The following HK1 variants were observed in gnomAD, a reference collection of about 807,000 sequenced individuals.
HK1 encodes the protein hexokinase 1.
A neutral mutation model predicts 91.6 loss-of-function variants in HK1; 28 were observed. That is an observed-to-expected ratio of 0.31 (90% confidence interval 0.23 to 0.42). The LOEUF (loss-of-function observed/expected upper bound fraction) is 0.42. Ranked by LOEUF, HK1 falls within the 10% of genes least tolerant of loss-of-function variation. The probability of loss-of-function intolerance (pLI) is 1.00; values close to 1 mark genes in which losing one functional copy is unlikely to be tolerated. For missense variants in HK1, 770 were observed against 1,219.8 expected (o/e 0.63, Z 5.49); for synonymous variants, 430 against 468.1 (o/e 0.92, Z 1.05).
chr10:69,393,013 C>G (rs1228937257), intron 15 of HK1, among the ~76,000 whole-genome samples: 1 of 152,170 alleles, frequency 6.6e-6, no homozygotes, highest in Non-Finnish European at 1.5e-5. Context: ...TGGAGTTTTG[C>G]TCTTGTTGCC....
chr10:69,294,255 G>A (rs1845443099), intron 3 of HK1, among the ~76,000 whole-genome samples: 1 of 152,208 alleles, frequency 6.6e-6, no homozygotes, highest in Admixed American at 6.5e-5. Flanking sequence ...GTTGCTGTGA[G>A]TGGAGACTAT....
intron 5 of HK1, among the ~76,000 whole-genome samples, chr10:69,307,326 C>T (rs1846153058): frequency 6.6e-6 from 1 of 152,126 alleles, no homozygotes; most frequent in Admixed American, 6.6e-5. Flanking sequence ...CTTATAGCCC[C>T]TCTGGCCTTG....
At chr10:69,373,173 A>AGTT (rs1850107178) in intron 7 of HK1, among the ~76,000 whole-genome samples, 2 of 152,190 alleles carry the variant, frequency 1.3e-5, no homozygotes, top group Non-Finnish European at 2.9e-5. Context: ...CCAGCCATTA[A>AGTT]CCAGGTTTTA....
chr10:69,315,748 G>C (rs1483823036), upstream of HK1: 5 of 635,610 alleles, frequency 7.9e-6, no homozygotes, highest in Non-Finnish European at 1.4e-5. Context: ...ACCCATATCA[G>C]TTAGGCAGTC....
At chr10:69,326,175 G>C (rs968823656) in intron 1 of HK1, among the ~76,000 whole-genome samples, 3 of 151,344 alleles carry the variant, frequency 2.0e-5, no homozygotes, top group African/African-American at 7.3e-5. Context: ...TGGGCATCCT[G>C]GAACACTTCG....
intron 1 of HK1, among the ~76,000 whole-genome samples, chr10:69,323,520 C>A (rs1196336476): frequency 0.025 from 2,376 of 94,172 alleles, no homozygotes; most frequent in East Asian, 0.041. Context: ...GACTCTGTCT[C>A]AAAAAAAAAA....
chr10:69,352,144 C>CACT (rs1303149805), intron 2 of HK1, among the ~76,000 whole-genome samples: 2 of 152,022 alleles, frequency 1.3e-5, no homozygotes, highest in African/African-American at 4.8e-5. Context: ...AGGCACCTAC[C>CACT]ACTACACCCA....
At chr10:69,375,343 C>T (rs1188231382) in intron 7 of HK1, among the ~76,000 whole-genome samples, 1 of 152,130 alleles carries the variant, frequency 6.6e-6, no homozygotes, top group Non-Finnish European at 1.5e-5. Context: ...GTAGGGAGGC[C>T]AGGGTGAGTA....
chr10:69,339,279 T>A (rs371399324), intron 1 of HK1, among the ~76,000 whole-genome samples: 66 of 152,344 alleles, frequency 4.3e-4, no homozygotes, highest in African/African-American at 1.5e-3. Flanking sequence ...GGGAGCTGAC[T>A]TCTCCCCTGG....
chr10:69,325,617 G>A (rs576339847), intron 1 of HK1, among the ~76,000 whole-genome samples: 5 of 149,766 alleles, frequency 3.3e-5, no homozygotes, highest in South Asian at 2.1e-4. Flanking sequence ...CCTCCATCTC[G>A]CGGGTTCAAG....
At chr10:69,277,536 C>T (rs1001275967) in intron 1 of HK1, among the ~76,000 whole-genome samples, 2 of 151,976 alleles carry the variant, frequency 1.3e-5, no homozygotes, top group Non-Finnish European at 2.9e-5. Context: ...CCACTGCACT[C>T]CAGCCCGGGC....
At chr10:69,330,848 G>A (rs1286065329) in intron 1 of HK1, among the ~76,000 whole-genome samples, 1 of 151,406 alleles carries the variant, frequency 6.6e-6, no homozygotes, top group African/African-American at 2.4e-5. Flanking sequence ...CCTGACATAG[G>A]GAAATATGCA....
At chr10:69,341,818 A>G (rs1848304349) in intron 1 of HK1, among the ~76,000 whole-genome samples, 1 of 151,770 alleles carries the variant, frequency 6.6e-6, no homozygotes, top group Non-Finnish European at 1.5e-5. Context: ...GAGCTGCTTT[A>G]TTGTAAAGGG....
chr10:69,318,831 G>C, upstream of HK1: 2 of 1,451,096 alleles, frequency 1.4e-6, no homozygotes, highest in African/African-American at 3.0e-5. Flanking sequence ...AGGGGGAGGA[G>C]CCGGGGGAGG....
At chr10:69,388,251 G>A (rs564213282) in intron 13 of HK1, among the ~76,000 whole-genome samples, 14 of 152,244 alleles carry the variant, frequency 9.2e-5, no homozygotes, top group African/African-American at 3.4e-4. Context: ...ACCAGCCTGG[G>A]TAACGTAGTA....
intron 13 of HK1, chr10:69,386,688 A>G (rs1022263210): frequency 1.6e-4 from 58 of 362,298 alleles, no homozygotes; most frequent in Middle Eastern, 9.7e-4. Context: ...AGACTGAGGC[A>G]GAAGAATCGC....
chr10:69,383,707 T>C (rs1461737048), intron 10 of HK1, among the ~76,000 whole-genome samples: 1 of 152,264 alleles, frequency 6.6e-6, no homozygotes, highest in African/African-American at 2.4e-5. Flanking sequence ...TGTCCAGCAG[T>C]TGGCTGTCAG....
intron 3 of HK1, chr10:69,292,303 C>T (rs948041862): frequency 1.6e-5 from 7 of 430,922 alleles, no homozygotes; most frequent in Non-Finnish European, 2.3e-5. Flanking sequence ...AAATCCCTGG[C>T]GTCAAGTGAT....
chr10:69,390,515 G>A (rs1839849532), intron 14 of HK1, among the ~76,000 whole-genome samples: 1 of 152,226 alleles, frequency 6.6e-6, no homozygotes, highest in African/African-American at 2.4e-5. Context: ...CGTTTCTGGA[G>A]CTCCTCTTCT....
Sources: gnomAD v4.1 joint callset for allele counts (sites outside exome capture counted in the v4.1 genomes callset) on GRCh38, gnomAD v4.1.1 for gene constraint, MANE v1.5 for transcripts, NCBI Gene and HGNC (gene_info 2026-07-23, HGNC 2026-07-21) for gene names.